The following CRACR2A variants were observed in gnomAD, a reference collection of about 807,000 sequenced individuals.
CRACR2A encodes the protein calcium release activated channel regulator 2A, also known as EF-hand calcium-binding domain-containing protein 4B.
CRACR2A carries 79 observed loss-of-function variants against 90.5 expected under a neutral mutation model. The ratio of observed to expected loss-of-function variants is 0.87; its 90% confidence interval spans 0.73 to 1.05. The LOEUF is 1.05. Among genes scored for constraint, CRACR2A ranks in the 50% least tolerant of loss-of-function variants. The pLI is 0.00. For synonymous variants in CRACR2A, 338 were observed against 356.7 expected (o/e 0.95, Z 0.59); for missense variants, 823 against 897.2 (o/e 0.92, Z 1.06).
chr12:3,746,510 T>G lies in CRACR2A; in HGVS notation c.-387+6505A>C, dbSNP rs1239238636. On this transcript the variant is annotated intron_variant, in intron 1 of 19. Coordinates refer to ENST00000440314, the MANE Select transcript of CRACR2A (RefSeq NM_001144958.2). The surrounding 1 kb of genome is among the most constrained non-coding windows in gnomAD (Gnocchi z 4.4). ...TTTCTGCAAGCCAAGGAGAGAACCT[T>G]CACCCACCAAACTGGCACCATGATG... Among the ~76,000 whole-genome samples the G allele has an allele frequency of 6.6e-6, 1 of 152,140 alleles. No individual in the cohort carries two copies. Among genetic ancestry groups the G allele is most frequent in the Non-Finnish European group, 1.5e-5 (1 of 68,016 alleles).
intron 2 of CRACR2A, chr12:3,727,650 A>C (rs751931958): frequency 6.6e-6 from 1 of 152,210 alleles, no homozygotes; most frequent in Non-Finnish European, 1.5e-5. Flanking sequence ...TCTTCCTAAA[A>C]CAACCATTTC....
At position 3,641,924 on chromosome 12, in the gene CRACR2A, A is replaced by G. The variant is rs567619612; in HGVS notation, c.1165-86T>C. 2.2e-5 allele frequency: 25 copies of G among 1,153,478 alleles called. No homozygotes were observed. The South Asian group carries it at 3.2e-4, about 15-fold the overall frequency. The allele number at this position is 1,153,478 out of a possible 1,614,324, so 71.5% of individuals were successfully genotyped here. On this transcript the variant is annotated intron_variant, in intron 12 of 19. Transcript: ENST00000440314. ...AGGGCTCATGGTTCCCACCTCATAGACTAGGCTCTACACAAAACTCTGAAA... is the reference window on the plus strand; with the variant it reads ...AGGGCTCATGGTTCCCACCTCATAGGCTAGGCTCTACACAAAACTCTGAAA...
intron 13 of CRACR2A, chr12:3,640,648 A>C: frequency 8.4e-6 from 11 of 1,305,412 alleles, no homozygotes; most frequent in Non-Finnish European, 1.1e-5. Flanking sequence ...CAAAGGTTTT[A>C]CTGATGAGCT....
intron 1 of CRACR2A, among the ~76,000 whole-genome samples, chr12:3,745,415 T>C (rs1946596337): frequency 6.6e-6 from 1 of 152,136 alleles, no homozygotes; most frequent in Non-Finnish European, 1.5e-5. Context: ...GCTGCTGCTG[T>C]CTTGCTCACA....
intron 4 of CRACR2A, among the ~76,000 whole-genome samples, chr12:3,688,338 T>G (rs1298337589): frequency 3.9e-5 from 6 of 152,362 alleles, no homozygotes; most frequent in Non-Finnish European, 8.8e-5. Flanking sequence ...CATTTAAGTC[T>G]GTAATCCATT....
chr12:3,742,438 C>T (rs1049054113), intron 1 of CRACR2A, among the ~76,000 whole-genome samples: 3 of 152,210 alleles, frequency 2.0e-5, no homozygotes, highest in Non-Finnish European at 4.4e-5. Flanking sequence ...CCTTCCAGAG[C>T]ACATGCAGAG....
intron 1 of CRACR2A, among the ~76,000 whole-genome samples, chr12:3,737,051 A>G (rs1946459532): frequency 6.6e-6 from 1 of 152,218 alleles, no homozygotes; most frequent in Non-Finnish European, 1.5e-5. Flanking sequence ...AGAAATTACA[A>G]TGATTACAGG....
chr12:3,710,149 T>C (rs1373513082), intron 3 of CRACR2A, among the ~76,000 whole-genome samples: 2 of 152,184 alleles, frequency 1.3e-5, no homozygotes, highest in African/African-American at 4.8e-5. Context: ...GGACCACTAC[T>C]ACTTCTTTGG....
At chr12:3,658,591 G>A (rs184063318) in intron 8 of CRACR2A, among the ~76,000 whole-genome samples, 26 of 152,298 alleles carry the variant, frequency 1.7e-4, no homozygotes, top group African/African-American at 6.3e-4. Context: ...TTCTTGAAAA[G>A]CACTCCGATT....
chr12:3,723,305 C>G (rs1330802429), intron 2 of CRACR2A, among the ~76,000 whole-genome samples: 1 of 152,128 alleles, frequency 6.6e-6, no homozygotes, highest in Non-Finnish European at 1.5e-5. Context: ...CATGATAGGG[C>G]TTCTCTAATG....
At chr12:3,669,614 A>T (rs1945206248) in intron 7 of CRACR2A, among the ~76,000 whole-genome samples, 1 of 152,182 alleles carries the variant, frequency 6.6e-6, no homozygotes. Flanking sequence ...GGTTAAAAAA[A>T]ATTCATGGCT....
intron 10 of CRACR2A, among the ~76,000 whole-genome samples, chr12:3,653,873 TGGTAA>T (rs142345687): frequency 0.018 from 2,717 of 152,328 alleles, 40 homozygotes; most frequent in Non-Finnish European, 0.028. Flanking sequence ...AAACAAGTTC[TGGTAA>T]GTACTTGTTT....
chr12:3,666,099 G>A (rs530662884), intron 7 of CRACR2A, among the ~76,000 whole-genome samples: 1 of 152,036 alleles, frequency 6.6e-6, no homozygotes, highest in African/African-American at 2.4e-5. Context: ...GAGGAGGGGG[G>A]AGTTATCAGG....
intron 2 of CRACR2A, among the ~76,000 whole-genome samples, chr12:3,713,583 AG>A (rs968926624): frequency 3.9e-5 from 6 of 152,208 alleles, no homozygotes; most frequent in African/African-American, 1.4e-4. Context: ...CTTGTGCATG[AG>A]AAGGGGGTAG....
At chr12:3,638,524 G>A in intron 13 of CRACR2A, 70 bp from the exon 14 acceptor site, 2 of 1,446,342 alleles carry the variant, frequency 1.4e-6, no homozygotes, top group South Asian at 1.4e-5. Context: ...CTGCATAACA[G>A]CTTTTGTGAC....
chr12:3,724,035 T>C (rs1196482074), intron 2 of CRACR2A, among the ~76,000 whole-genome samples: 2 of 152,176 alleles, frequency 1.3e-5, no homozygotes, highest in East Asian at 1.9e-4. Context: ...AGAATAATCA[T>C]GCATCAGTTG....
At chr12:3,726,654 G>C (rs1946269895) in intron 2 of CRACR2A, 1 of 151,954 alleles carries the variant, frequency 6.6e-6, no homozygotes, top group Admixed American at 6.6e-5. Context: ...GCAAGCAGAG[G>C]AAACAAGGAA....
chr12:3,643,305 A>G (rs1944606467), intron 12 of CRACR2A, among the ~76,000 whole-genome samples: 1 of 152,170 alleles, frequency 6.6e-6, no homozygotes, highest in Non-Finnish European at 1.5e-5. Flanking sequence ...AGGGCAAACC[A>G]ATTGCCTTCT....
chr12:3,726,521 G>A (rs1946267163), intron 2 of CRACR2A: 2 of 152,020 alleles, frequency 1.3e-5, no homozygotes, highest in African/African-American at 4.8e-5. Flanking sequence ...GGATATAGGA[G>A]GACAATAGAA....
Sources: gnomAD v4.1 joint callset for allele counts (sites outside exome capture counted in the v4.1 genomes callset) on GRCh38, gnomAD v4.1.1 for gene constraint, Gnocchi (gnomAD v3.1) non-coding constraint, MANE v1.5 for transcripts, NCBI Gene and HGNC (gene_info 2026-07-23, HGNC 2026-07-21) for gene names.